TRDN: variants seen among roughly 807,000 people sequenced by gnomAD.
The protein encoded by TRDN is triadin, also known as triadin in skeletal muscle.
In TRDN, 161 loss-of-function variants were observed where a neutral mutation model predicts 149.7. The ratio of observed to expected loss-of-function variants is 1.08; its 90% CI spans 0.95 to 1.23. TRDN has a LOEUF of 1.23. Ranked by LOEUF, TRDN falls within the 50% of genes most tolerant of loss-of-function variation. The probability of loss-of-function intolerance (pLI) is 0.00; values close to 1 mark genes in which losing one functional copy is unlikely to be tolerated. For synonymous variants in TRDN, 294 were observed against 250.5 expected, an observed-to-expected ratio of 1.17 and a Z score of -1.64; for missense variants, 896 against 823.5, an observed-to-expected ratio of 1.09 and a Z score of -1.08.
At chr6:123,555,966 AG>A (rs1781633767) in intron 2 of TRDN, among the ~76,000 whole-genome samples, 1 of 152,188 alleles carries the variant, frequency 6.6e-6, no homozygotes, top group African/African-American at 2.4e-5. Flanking sequence ...GTGGAATAAA[AG>A]CTATGCTGTA....
At chr6:123,353,440 G>A (rs752660613) in intron 20 of TRDN, among the ~76,000 whole-genome samples, 33 of 151,754 alleles carry the variant, frequency 2.2e-4, no homozygotes, top group Non-Finnish European at 4.0e-4. Flanking sequence ...ATGAGATGCC[G>A]TGTAGCATAT....
intron 38 of TRDN, among the ~76,000 whole-genome samples, chr6:123,248,383 C>A (rs988093215): frequency 6.6e-6 from 1 of 151,698 alleles, no homozygotes; most frequent in Non-Finnish European, 1.5e-5. Flanking sequence ...ATGGTGAGAC[C>A]CTGTCTCTAC....
chr6:123,240,622 A>G (rs1010349742), intron 38 of TRDN, among the ~76,000 whole-genome samples: 19 of 151,934 alleles, frequency 1.3e-4, no homozygotes, highest in Non-Finnish European at 7.4e-5. Flanking sequence ...ATTTTAGACA[A>G]ATGAATTCAA....
chr6:123,441,410 T>C (rs1003309166), intron 10 of TRDN, among the ~76,000 whole-genome samples: 5 of 152,172 alleles, frequency 3.3e-5, no homozygotes, highest in African/African-American at 9.7e-5. Context: ...TTTAAGCCCA[T>C]TGATGTTCAG....
chr6:123,362,074 G>C (rs1359178174), intron 20 of TRDN, among the ~76,000 whole-genome samples: 1 of 151,908 alleles, frequency 6.6e-6, no homozygotes, highest in African/African-American at 2.4e-5. Flanking sequence ...TTGTTATTAA[G>C]AATATTAACA....
chr6:123,433,083 A>C (rs1249406009), intron 12 of TRDN, among the ~76,000 whole-genome samples: 2 of 145,896 alleles, frequency 1.4e-5, no homozygotes, highest in African/African-American at 2.5e-5. Context: ...ACACCTATAC[A>C]TGTTCCTGCA....
Position 123,272,941 on chromosome 6 carries a change from T to A in TRDN, c.1672+23A>T, listed in dbSNP as rs754547663. The A allele has an allele frequency of 1.3e-5, 20 of 1,499,746 alleles. No individual in the cohort carries two copies. In the South Asian group the frequency reaches 1.8e-4, roughly 13 times the overall value. The allele number at this position is 1,499,746 out of a possible 1,614,324, so 92.9% of individuals were successfully genotyped here. On this transcript the variant is annotated intron_variant, in intron 29 of 40. Coordinates refer to ENST00000334268, the MANE Select transcript of TRDN (RefSeq NM_006073.4). ...AGAACATTGAGAGGTTATTTGAGAC[T>A]ACAAATACCACCTGCAAAATACCTG...
intron 24 of TRDN, among the ~76,000 whole-genome samples, chr6:123,302,824 G>A (rs931752742): frequency 2.6e-5 from 4 of 152,052 alleles, no homozygotes; most frequent in Non-Finnish European, 4.4e-5. Flanking sequence ...TTATTCATCA[G>A]TTCTTGATGG....
intron 21 of TRDN, 109 bp downstream of exon 21, chr6:123,352,430 T>A: frequency 6.7e-7 from 1 of 1,496,680 alleles, no homozygotes; most frequent in African/African-American, 1.4e-5. Flanking sequence ...TGATAAAGAG[T>A]AATAGACTTA....
chr6:123,584,265 C>T (rs963981690), intron 1 of TRDN, among the ~76,000 whole-genome samples: 10 of 151,938 alleles, frequency 6.6e-5, no homozygotes, highest in African/African-American at 1.9e-4. Flanking sequence ...AAAGTATATG[C>T]GTCAGATATG....
intron 7 of TRDN, chr6:123,509,700 T>A (rs1024591028): frequency 3.9e-4 from 60 of 152,306 alleles, no homozygotes; most frequent in African/African-American, 1.4e-3. Context: ...CATGCCCAGA[T>A]TCTTGATCCA....
At chr6:123,398,621 G>A (rs1183506405) in intron 12 of TRDN, among the ~76,000 whole-genome samples, 1 of 152,146 alleles carries the variant, frequency 6.6e-6, no homozygotes, top group African/African-American at 2.4e-5. Context: ...TAAGCTAAAA[G>A]TTGCTACATA....
At chr6:123,278,711 A>G (rs1777466093) in intron 25 of TRDN, among the ~76,000 whole-genome samples, 1 of 152,196 alleles carries the variant, frequency 6.6e-6, no homozygotes, top group South Asian at 2.1e-4. Flanking sequence ...CAGAGGTTGC[A>G]GTGAGCAGAG....
chr6:123,286,601 C>A (rs1213634352), intron 24 of TRDN, among the ~76,000 whole-genome samples: 1 of 151,804 alleles, frequency 6.6e-6, no homozygotes, highest in African/African-American at 2.4e-5. Flanking sequence ...GATAAGTGCA[C>A]CAAAATCTCA....
chr6:123,272,988 T>C lies in TRDN; in HGVS notation c.1648A>G (p.Lys550Glu), dbSNP rs1036032456. 3 of 1,529,160 alleles carry C rather than the reference T, an allele frequency of 2.0e-6. No individual in the cohort carries two copies. Among genetic ancestry groups the C allele is most frequent in the Non-Finnish European group, 2.6e-6 (3 of 1,138,888 alleles). The allele number at this position is 1,529,160 out of a possible 1,614,324, so 94.7% of individuals were successfully genotyped here. A position where few individuals can be genotyped will look rare whatever the true frequency, so the allele number is the denominator to read the frequency against. ...IHKQDIVKPE[K>E]TVSHGKPEEK... ...CCTGGTTTACCATGAGAAACAGTCT[T>C]TTCTGGTTTCACTATGTCTTGTTCT... Residue 550 changes from lysine (K) to glutamate (E), a missense_variant, in exon 29 of 41, where the codon AAG becomes GAG. Transcript: ENST00000334268.
At chr6:123,599,801 T>G (rs1232244456) in intron 1 of TRDN, among the ~76,000 whole-genome samples, 3 of 151,926 alleles carry the variant, frequency 2.0e-5, no homozygotes, top group African/African-American at 7.3e-5. Context: ...CTAGACATCC[T>G]CACACTTTTA....
chr6:123,222,841 G>C (rs1775200581), intron 39 of TRDN, among the ~76,000 whole-genome samples: 1 of 151,800 alleles, frequency 6.6e-6, no homozygotes, highest in African/African-American at 2.4e-5. Context: ...CAAAGGACAT[G>C]AACAGGTACT....
At position 123,499,719 on chromosome 6, in the gene TRDN, A is replaced by AAAAAAAAAAAAAT; in HGVS notation, c.794-2468_794-2467insATTTTTTTTTTTT. Among the ~76,000 whole-genome samples, 93 of 47,642 alleles carry AAAAAAAAAAAAAT rather than the reference A, an allele frequency of 2.0e-3. 1 individual carries two copies. The highest frequency in any genetic ancestry group is 2.8e-3 in the Non-Finnish European group (62 of 22,282). The allele number at this position is 47,642 out of a possible 152,430, so 31.3% of individuals were successfully genotyped here. On this transcript the variant is annotated intron_variant, in intron 8 of 40. Transcript: ENST00000334268. The stretch of plus-strand genomic sequence containing the variant: ...ATTCTGGCTCAAAAAAAAAAAAAAA[A>AAAAAAAAAAAAAT]ATATATATATATATATATATATATA...
At chr6:123,309,457 C>T (rs1159500479) in intron 24 of TRDN, among the ~76,000 whole-genome samples, 1 of 151,806 alleles carries the variant, frequency 6.6e-6, no homozygotes, top group Non-Finnish European at 1.5e-5. Context: ...ATGAGCTTCA[C>T]CCAATAGATA....
Sources: allele counts gnomAD v4.1 joint callset (sites outside exome capture counted in the v4.1 genomes callset), GRCh38; gene constraint gnomAD v4.1.1; transcripts MANE v1.5; gene names NCBI Gene and HGNC (gene_info 2026-07-23, HGNC 2026-07-21).